The following RNF17 variants were observed in gnomAD, a reference collection of about 807,000 sequenced individuals.
The protein encoded by RNF17 is ring finger protein 17, also known as spermatogenesis associated 23.
RNF17 carries 31 observed loss-of-function variants against 200.5 expected under a neutral mutation model. The ratio of observed to expected loss-of-function variants is 0.15; its 90% CI spans 0.12 to 0.21. RNF17 has a LOEUF of 0.21. Among genes scored for constraint, RNF17 ranks in the 10% least tolerant of loss-of-function variants. The probability of loss-of-function intolerance (pLI) is 1.00; values close to 1 mark genes in which losing one functional copy is unlikely to be tolerated. For missense variants in RNF17, 1,628 were observed against 1,905.1 expected (o/e 0.85, Z 2.71); for synonymous variants, 606 against 637.8 (o/e 0.95, Z 0.75).
intron 32 of RNF17, among the ~76,000 whole-genome samples, chr13:24,871,212 G>A (rs1894213266): frequency 2.0e-5 from 3 of 152,108 alleles, no homozygotes; most frequent in South Asian, 2.1e-4. Context: ...TTAAATATGT[G>A]TGATTCTCCT....
chr13:24,830,588 G>A lies in RNF17; in HGVS notation c.2350G>A (p.Ala784Thr), dbSNP rs1889275314. Reference protein sequence around the residue: ...VRKIKDEFLNAPEKAIKCKLA... With the variant: ...VRKIKDEFLNTPEKAIKCKLA... ...TAAAATAAAGGATGAGTTTCTGAAT[G>A]CCCCAGAGAAGGTAATTTATTTATT... The change falls in exon 17 of 36, where the codon GCC (alanine) becomes ACC (threonine). Residue 784 changes from alanine to threonine, a missense_variant. Ala to Thr is a moderately conservative substitution (Grantham distance 58, BLOSUM62 0). Coordinates refer to ENST00000255324, the MANE Select transcript of RNF17 (RefSeq NM_031277.3). 2 of 1,601,016 alleles carry A rather than the reference G, an allele frequency of 1.2e-6. No individual in the cohort carries two copies. The highest frequency in any genetic ancestry group is 4.5e-5 in the East Asian group (2 of 44,600).
At chr13:24,874,303 T>C (rs937261653) in intron 33 of RNF17, 54 bp downstream of exon 33, 1 of 1,441,678 alleles carries the variant, frequency 6.9e-7, no homozygotes, top group Non-Finnish European at 9.3e-7. Context: ...TTAAATAGTT[T>C]TCTTATTGAG....
the RNF17 span, among the ~76,000 whole-genome samples, chr13:24,884,990 T>C: frequency 1.3e-5 from 2 of 152,144 alleles, no homozygotes; most frequent in Admixed American, 1.3e-4. Context: ...TAGCTGGAGA[T>C]GAGGAGAGAG....
At chr13:24,874,329 T>C in intron 33 of RNF17, 80 bp downstream of exon 33, 1 of 1,273,896 alleles carries the variant, frequency 7.8e-7, no homozygotes, top group Non-Finnish European at 1.1e-6. Context: ...TTTTGCCTCT[T>C]TTAAAAGAAA....
Position 24,782,061 on chromosome 13 carries a change from A to G in RNF17, c.611+117A>G, listed in dbSNP as rs574823008. 8.6e-6 allele frequency: 6 copies of G among 700,588 alleles called. No individual in the cohort carries two copies. The East Asian group carries it at 1.4e-4, about 16-fold the overall frequency. The allele number at this position is 700,588 out of a possible 1,614,324, so 43.4% of individuals were successfully genotyped here. A position where few individuals can be genotyped will look rare whatever the true frequency, so the allele number is the denominator to read the frequency against. ...CTTTTAAACAAGTTTGTAATGGGTA[A>G]CTTTCAAACAAGTTTGGAAGTTGGT... is the stretch of plus-strand genomic sequence containing the variant. On this transcript the variant is annotated intron_variant, in intron 6 of 35. Transcript: ENST00000255324.
chr13:24,879,078 A>G (rs1393824830), intron 34 of RNF17, 109 bp from the exon 35 acceptor site: 7 of 711,894 alleles, frequency 9.8e-6, no homozygotes, highest in East Asian at 7.9e-5. Flanking sequence ...TAAATTATCA[A>G]TAGGCCCCTG....
intron 22 of RNF17, among the ~76,000 whole-genome samples, chr13:24,846,305 A>G (rs1049478834): frequency 1.3e-5 from 2 of 152,210 alleles, no homozygotes; most frequent in Non-Finnish European, 2.9e-5. Context: ...GAACTATGGC[A>G]TATTAACTCT....
intron 27 of RNF17, among the ~76,000 whole-genome samples, chr13:24,862,483 A>C (rs1002224266): frequency 6.6e-6 from 1 of 151,978 alleles, no homozygotes; most frequent in Non-Finnish European, 1.5e-5. Flanking sequence ...GTGTTTTCTC[A>C]CCTCTGGCTG....
At chr13:24,841,155 A>T (rs149437314) in intron 18 of RNF17, among the ~76,000 whole-genome samples, 54 of 152,344 alleles carry the variant, frequency 3.5e-4, no homozygotes, top group African/African-American at 1.2e-3. Flanking sequence ...ATGAGACACA[A>T]GCCTTACTTA....
downstream of RNF17, chr13:24,884,426 A>ATAC (rs772692433): frequency 6.2e-7 from 1 of 1,614,124 alleles, no homozygotes; most frequent in East Asian, 2.2e-5. Context: ...ATTGGGAAAC[A>ATAC]GTATAACACG....
intron 15 of RNF17, among the ~76,000 whole-genome samples, chr13:24,822,034 A>T (rs1259573627): frequency 6.6e-6 from 1 of 152,126 alleles, no homozygotes; most frequent in East Asian, 1.9e-4. Flanking sequence ...CTGGAGGTGG[A>T]TGTGCCGGAT....
chr13:24,881,963 TAG>T (rs201919797), downstream of RNF17, among the ~76,000 whole-genome samples: 77 of 2,496 alleles, frequency 0.031, 22 homozygotes, highest in African/African-American at 0.065. Flanking sequence ...TAGATACATC[TAG>T]ATATATAGAT....
rs565718004 is a variant in RNF17 at position 24,806,322 on chromosome 13, A to G, written c.2091+1893A>G. ...TATTGTGAATAGTGCTGCAATAAAC[A>G]TACGTGTGTAAGTGTCTTTATAGTA... On this transcript the variant is annotated intron_variant, in intron 15 of 35. Transcript: ENST00000255324. 2.0e-5 allele frequency among the ~76,000 whole-genome samples: 3 copies of G among 152,324 alleles called. No individual in the cohort carries two copies. In the South Asian group the frequency reaches 6.2e-4, roughly 32 times the overall value.
intron 9 of RNF17, among the ~76,000 whole-genome samples, chr13:24,792,592 A>G (rs9553442): frequency 0.2 from 29,831 of 152,006 alleles, 3,187 homozygotes; most frequent in South Asian, 0.32. Flanking sequence ...CATATATATG[A>G]CTCTCAGTTG....
chr13:24,884,647 G>A (rs1836589800), downstream of RNF17, among the ~76,000 whole-genome samples: 1 of 152,044 alleles, frequency 6.6e-6, no homozygotes, highest in South Asian at 2.1e-4. Flanking sequence ...CCTTTTCCAT[G>A]TATTAGCTGG....
chr13:24,797,726 G>C (rs1334845397), intron 11 of RNF17, among the ~76,000 whole-genome samples: 17 of 151,376 alleles, frequency 1.1e-4, no homozygotes, highest in African/African-American at 2.7e-4. Context: ...GTGTGTGTGT[G>C]TGTGTGTGTG....
intron 33 of RNF17, 101 bp downstream of exon 33, chr13:24,874,350 T>G (rs1555292174): frequency 1.1e-6 from 1 of 947,398 alleles, no homozygotes; most frequent in Non-Finnish European, 1.5e-6. Context: ...AGGGTTATTC[T>G]AAGGCTGTTT....
Position 24,764,234 on chromosome 13 carries a change from T to C in RNF17, c.31T>C (p.Ser11Pro). 5 of 1,606,856 alleles carry C rather than the reference T, an allele frequency of 3.1e-6. No individual in the cohort carries two copies. The highest frequency in any genetic ancestry group is 4.3e-6 in the Non-Finnish European group (5 of 1,174,478). Residue 11 changes from serine (S) to proline (P), a missense_variant, in exon 1 of 36, where the codon TCT becomes CCT. Physicochemically the swap from Ser to Pro is moderately conservative, Grantham distance 74 (BLOSUM62 -1). Coordinates refer to ENST00000255324, the MANE Select transcript of RNF17 (RefSeq NM_031277.3). MAAEASKTGP[S>P]RSSYQRMGRK... ...GGCAGAGGCTTCGAAGACTGGGCCTTCTAGGTCTTCCTACCAGCGAATGGG... is the reference window on the plus strand; with the variant it reads ...GGCAGAGGCTTCGAAGACTGGGCCTCCTAGGTCTTCCTACCAGCGAATGGG...
intron 33 of RNF17, among the ~76,000 whole-genome samples, chr13:24,874,753 A>C (rs1365543639): frequency 2.6e-5 from 4 of 152,170 alleles, no homozygotes; most frequent in Admixed American, 2.6e-4. Flanking sequence ...TTGGCATTAA[A>C]TACATTCACA....
Sources: allele counts gnomAD v4.1 joint callset (sites outside exome capture counted in the v4.1 genomes callset), GRCh38; gene constraint gnomAD v4.1.1; transcripts MANE v1.5; gene names NCBI Gene and HGNC (gene_info 2026-07-23, HGNC 2026-07-21).